IL4I1: variants seen among roughly 807,000 people sequenced by gnomAD.
The protein encoded by IL4I1 is interleukin 4 induced 1.
A neutral mutation model predicts 29.7 loss-of-function variants in IL4I1; 24 were observed. That is an observed-to-expected ratio of 0.81 (90% CI 0.59 to 1.14). The LOEUF is 1.14. Among genes scored for constraint, IL4I1 ranks in the 50% most tolerant of loss-of-function variants. IL4I1 has a pLI of 0.00. For missense variants in IL4I1, 686 were observed against 785.6 expected (o/e 0.87, Z 1.52); for synonymous variants, 371 against 352.5 (o/e 1.05, Z -0.59).
chr19:49,929,469 G>A (rs1377165313), exon 1 of IL4I1: 2 of 152,486 alleles, frequency 1.3e-5, no homozygotes, highest in African/African-American at 2.4e-5. Flanking sequence ...CCTCTTTAGG[G>A]AGCCCTGGGG....
chr19:49,903,470 C>T (rs551830999), intron 3 of IL4I1, among the ~76,000 whole-genome samples: 4 of 152,136 alleles, frequency 2.6e-5, no homozygotes, highest in Non-Finnish European at 5.9e-5. Context: ...GGGGAACAGC[C>T]GGGGTCACTG....
intron 2 of IL4I1, among the ~76,000 whole-genome samples, chr19:49,918,207 A>G (rs2075674408): frequency 6.6e-6 from 1 of 152,026 alleles, no homozygotes; most frequent in Non-Finnish European, 1.5e-5. Context: ...CTGGGACTAC[A>G]GGCATACGCC....
chr19:49,890,768 G>A (rs2075124754), intron 7 of IL4I1, among the ~76,000 whole-genome samples, 168 bp from the exon 8 acceptor site: 1 of 151,614 alleles, frequency 6.6e-6, no homozygotes, highest in Non-Finnish European at 1.5e-5. Context: ...GGCCGCAGGA[G>A]TAGTGGATTG....
At chr19:49,903,235 G>A (rs964772907) in intron 3 of IL4I1, among the ~76,000 whole-genome samples, 1 of 152,210 alleles carries the variant, frequency 6.6e-6, no homozygotes, top group Non-Finnish European at 1.5e-5. Context: ...GTGGATTCAA[G>A]GGAACTAGGG....
At chr19:49,918,559 C>G (rs2075682741) in intron 2 of IL4I1, 1 of 152,246 alleles carries the variant, frequency 6.6e-6, no homozygotes, top group Non-Finnish European at 1.5e-5. Flanking sequence ...ACCTGGCATT[C>G]TGGTCCCATT....
At chr19:49,907,294 G>C in intron 2 of IL4I1, 1 of 299,740 alleles carries the variant, frequency 3.3e-6, no homozygotes, top group Admixed American at 5.0e-5. Context: ...AGGCTTCCTG[G>C]AGGAGGTGAG....
At chr19:49,890,681 C>T (rs1421780019) in intron 7 of IL4I1, 81 bp from the exon 8 acceptor site, 1 of 1,284,950 alleles carries the variant, frequency 7.8e-7, no homozygotes, top group Admixed American at 3.0e-5. Flanking sequence ...CCCACCCCGG[C>T]AGCTGGCCCT....
intron 3 of IL4I1, among the ~76,000 whole-genome samples, chr19:49,903,950 C>T (rs2075293586): frequency 6.7e-6 from 1 of 149,966 alleles, no homozygotes. Flanking sequence ...TGTGATCCTC[C>T]CACCTCAGCC....
At chr19:49,913,770 G>A (rs750829182) in intron 2 of IL4I1, among the ~76,000 whole-genome samples, 25 of 152,198 alleles carry the variant, frequency 1.6e-4, no homozygotes, top group Admixed American at 3.9e-4. Context: ...TCACTGAGCC[G>A]CAGGGTGGTC....
chr19:49,920,950 C>T (rs1364416717), intron 2 of IL4I1, among the ~76,000 whole-genome samples: 3 of 152,110 alleles, frequency 2.0e-5, no homozygotes, highest in Admixed American at 6.5e-5. Flanking sequence ...GGGCCCAGGC[C>T]GGGCTGTGGT....
chr19:49,892,294 C>T (rs1046383833), intron 5 of IL4I1, among the ~76,000 whole-genome samples: 1 of 152,052 alleles, frequency 6.6e-6, no homozygotes, highest in African/African-American at 2.4e-5. Flanking sequence ...GTTGGTCAGG[C>T]TGGTCTCGAA....
Position 49,895,935 on chromosome 19 carries a change from C to T in IL4I1, c.132G>A (p.Gln44=), listed in dbSNP as rs762445215. ...GCCCCCAGGTCACCACCTTGAGCAG[C>T]TGCTCATAGTCAGGATCCTGCATGC... is the stretch of plus-strand genomic sequence containing the variant. The part of the protein sequence containing the change: ...EKCMQDPDYE[Q]LLKVVTWGLN... The change falls in exon 3 of 8, where the codon CAG becomes CAA. Residue 44 remains glutamine (Q), a synonymous_variant. Coordinates refer to ENST00000391826, the MANE Select transcript of IL4I1 (RefSeq NM_152899.2). 6.2e-7 allele frequency: 1 copy of T among 1,614,238 alleles called. No individual in the cohort carries two copies. The highest frequency in any genetic ancestry group is 8.5e-7 in the Non-Finnish European group (1 of 1,180,044).
chr19:49,908,282 C>T lies in IL4I1; in HGVS notation c.-227-3961G>A, dbSNP rs1180723639. ...GAAGCTGCGCTCCTGCTCCTTGCGCCGGCCCTCGCACACCTTGGTCACCTC... is the reference window on the plus strand; with the variant it reads ...GAAGCTGCGCTCCTGCTCCTTGCGCTGGCCCTCGCACACCTTGGTCACCTC... On this transcript the variant is annotated intron_variant, in intron 2 of 9. Coordinates refer to the IL4I1 transcript ENST00000341114. 10 of 1,613,718 alleles carry T rather than the reference C, an allele frequency of 6.2e-6. No individual in the cohort carries two copies. The highest frequency in any genetic ancestry group is 1.6e-4 in the Middle Eastern group (1 of 6,084).
intron 2 of IL4I1, among the ~76,000 whole-genome samples, chr19:49,912,445 A>G (rs1398531078): frequency 6.6e-6 from 1 of 152,140 alleles, no homozygotes. Flanking sequence ...TTGGGATTAC[A>G]GGCATGAGCC....
chr19:49,910,699 G>C (rs1184865091), intron 2 of IL4I1, among the ~76,000 whole-genome samples: 1 of 140,948 alleles, frequency 7.1e-6, no homozygotes, highest in Non-Finnish European at 1.5e-5. Flanking sequence ...GAGACCATGA[G>C]CCCCACCAGA....
chr19:49,895,698 T>TGCCCCCCCCAACCCCCCCCCC, intron 3 of IL4I1, 117 bp downstream of exon 3: 1 of 705,414 alleles, frequency 1.4e-6, no homozygotes. Context: ...AGATAGCCTC[T>TGCCCCCCCCAACCCCCCCCCC]CCCCCCACAT....
intron 2 of IL4I1, among the ~76,000 whole-genome samples, chr19:49,918,923 G>GGGGGGGGC: frequency 6.8e-6 from 1 of 147,886 alleles, no homozygotes; most frequent in African/African-American, 2.5e-5. Flanking sequence ...GTGTGGGGGG[G>GGGGGGGGC]CGGATCACCT....
chr19:49,914,278 G>A (rs1222269217), intron 2 of IL4I1, among the ~76,000 whole-genome samples: 1 of 152,194 alleles, frequency 6.6e-6, no homozygotes, highest in African/African-American at 2.4e-5. Context: ...TACCAAAGAA[G>A]CTGATGGTGC....
intron 2 of IL4I1, among the ~76,000 whole-genome samples, chr19:49,920,724 C>A (rs1600545480): frequency 6.6e-6 from 1 of 152,178 alleles, no homozygotes; most frequent in East Asian, 1.9e-4. Flanking sequence ...TGGGGAAGAG[C>A]CTAGAGCTGA....
Sources: gnomAD v4.1 joint callset for allele counts (sites outside exome capture counted in the v4.1 genomes callset) on GRCh38, gnomAD v4.1.1 for gene constraint, MANE v1.5 for transcripts, NCBI Gene and HGNC (gene_info 2026-07-23, HGNC 2026-07-21) for gene names.